Variants in EEFSEC observed in about 807,000 individuals in gnomAD.
EEFSEC encodes the protein eukaryotic elongation factor, selenocysteine-tRNA specific.
In EEFSEC, 43 loss-of-function variants were observed where a neutral mutation model predicts 42.1. The ratio of observed to expected loss-of-function variants is 1.02; its 90% CI spans 0.80 to 1.32. The LOEUF (loss-of-function observed/expected upper bound fraction) is 1.32, where lower values mean the gene tolerates loss of function less well. Among genes scored for constraint, EEFSEC ranks in the 40% most tolerant of loss-of-function variants. EEFSEC has a pLI of 0.00. For synonymous variants in EEFSEC, 354 were observed against 339.1 expected (o/e 1.04, Z -0.48); for missense variants, 745 against 803.6 (o/e 0.93, Z 0.88).
chr3:128,297,036 A>C (rs565148472), intron 4 of EEFSEC, among the ~76,000 whole-genome samples: 4 of 152,272 alleles, frequency 2.6e-5, no homozygotes, highest in African/African-American at 9.6e-5. Flanking sequence ...GAAGCATGAT[A>C]TCTGAGGTGG....
chr3:128,274,616 G>T (rs1044926589), intron 4 of EEFSEC, among the ~76,000 whole-genome samples: 3 of 152,220 alleles, frequency 2.0e-5, no homozygotes, highest in African/African-American at 7.2e-5. Context: ...ACAAGTTGTC[G>T]TATGAAAACC....
At chr3:128,284,933 T>C (rs1320931309) in intron 4 of EEFSEC, among the ~76,000 whole-genome samples, 2 of 151,638 alleles carry the variant, frequency 1.3e-5, no homozygotes, top group Non-Finnish European at 2.9e-5. Flanking sequence ...TAATGCAATA[T>C]GTAAGGAGAA....
intron 4 of EEFSEC, among the ~76,000 whole-genome samples, chr3:128,329,081 TTTC>T (rs2067096610): frequency 2.0e-5 from 3 of 152,152 alleles, no homozygotes; most frequent in Non-Finnish European, 4.4e-5. Flanking sequence ...TTCTTCCCTA[TTTC>T]TTCTTATCAT....
intron 4 of EEFSEC, among the ~76,000 whole-genome samples, chr3:128,309,570 TA>T (rs1360662084): frequency 3.9e-5 from 6 of 152,108 alleles, no homozygotes; most frequent in Admixed American, 2.6e-4. Flanking sequence ...TACCAGTAAG[TA>T]AAAGACCATC....
intron 6 of EEFSEC, 146 bp downstream of exon 6, chr3:128,358,519 A>T (rs1559938583): frequency 8.4e-7 from 1 of 1,187,162 alleles, no homozygotes; most frequent in African/African-American, 1.5e-5. Flanking sequence ...GCCTGGCAGC[A>T]TGGCCTCTGG....
intron 6 of EEFSEC, chr3:128,362,125 C>T (rs1172573268): frequency 2.3e-6 from 1 of 436,934 alleles, no homozygotes; most frequent in Non-Finnish European, 4.8e-6. Flanking sequence ...AAGCACTGCA[C>T]CTGGGAGGCT....
At chr3:128,194,001 C>CT (rs1393907808) in intron 1 of EEFSEC, among the ~76,000 whole-genome samples, 125 of 83,124 alleles carry the variant, frequency 1.5e-3, no homozygotes, top group Middle Eastern at 5.4e-3. Context: ...ACCATCTTCC[C>CT]CCATCCCCCA....
intron 4 of EEFSEC, among the ~76,000 whole-genome samples, chr3:128,292,766 AT>A (rs1395444404): frequency 2.0e-5 from 3 of 150,294 alleles, no homozygotes; most frequent in Non-Finnish European, 4.5e-5. Context: ...GGCTTTGTTG[AT>A]TTTTTTTCTT....
chr3:128,305,276 G>A (rs1476637332), intron 4 of EEFSEC, among the ~76,000 whole-genome samples: 1 of 151,914 alleles, frequency 6.6e-6, no homozygotes. Flanking sequence ...TTGTATTCTG[G>A]TCTTTCAATA....
intron 1 of EEFSEC, among the ~76,000 whole-genome samples, chr3:128,238,729 A>G (rs773372696): frequency 3.3e-5 from 5 of 152,160 alleles, no homozygotes; most frequent in African/African-American, 4.8e-5. Flanking sequence ...AGCTCAGGCA[A>G]TCTGCCCACT....
intron 1 of EEFSEC, among the ~76,000 whole-genome samples, chr3:128,196,754 C>T (rs573086233): frequency 1.3e-5 from 2 of 152,296 alleles, no homozygotes; most frequent in East Asian, 1.9e-4. Flanking sequence ...CACTTACTGG[C>T]ACTCGATGGC....
chr3:128,193,492 A>T (rs1181765106), intron 1 of EEFSEC, among the ~76,000 whole-genome samples: 1 of 152,164 alleles, frequency 6.6e-6, no homozygotes, highest in Non-Finnish European at 1.5e-5. Flanking sequence ...GCATTCATTC[A>T]TTTATCCAGT....
intron 4 of EEFSEC, among the ~76,000 whole-genome samples, chr3:128,321,804 C>A (rs1370491643): frequency 6.6e-6 from 1 of 152,194 alleles, no homozygotes; most frequent in Admixed American, 6.5e-5. Context: ...ATGTGGAAGA[C>A]AGACTTTAAA....
At chr3:128,196,931 T>TA (rs1286247682) in intron 1 of EEFSEC, among the ~76,000 whole-genome samples, 1 of 152,240 alleles carries the variant, frequency 6.6e-6, no homozygotes, top group Non-Finnish European at 1.5e-5. Context: ...GTGGCTCCTC[T>TA]AGGGAGAGTT....
intron 1 of EEFSEC, among the ~76,000 whole-genome samples, chr3:128,155,208 C>T (rs529620405): frequency 6.6e-5 from 10 of 152,052 alleles, no homozygotes; most frequent in African/African-American, 1.2e-4. Flanking sequence ...TCTTTCTCCC[C>T]GGTTCAAGCG....
At chr3:128,234,304 C>T (rs1225899281) in intron 1 of EEFSEC, among the ~76,000 whole-genome samples, 1 of 152,110 alleles carries the variant, frequency 6.6e-6, no homozygotes, top group African/African-American at 2.4e-5. Flanking sequence ...CCTCCCACCT[C>T]GGCCTCCCAA....
At chr3:128,259,195 T>C (rs926315668) in intron 2 of EEFSEC, among the ~76,000 whole-genome samples, 2 of 152,212 alleles carry the variant, frequency 1.3e-5, no homozygotes, top group Admixed American at 1.3e-4. Context: ...TGTTGCATGC[T>C]AGACTATATA....
intron 3 of EEFSEC, among the ~76,000 whole-genome samples, chr3:128,262,757 C>A (rs2066311998): frequency 6.6e-6 from 1 of 152,198 alleles, no homozygotes; most frequent in East Asian, 1.9e-4. Context: ...GTTGTTCTTC[C>A]TAACTTGTGC....
At chr3:128,360,388 A>G (rs533516694) in intron 6 of EEFSEC, among the ~76,000 whole-genome samples, 4 of 152,266 alleles carry the variant, frequency 2.6e-5, no homozygotes, top group African/African-American at 9.6e-5. Flanking sequence ...CTGGGAGGGA[A>G]GGATCCCGGG....
Sources: gnomAD v4.1 joint callset for allele counts (sites outside exome capture counted in the v4.1 genomes callset) on GRCh38, gnomAD v4.1.1 for gene constraint, MANE v1.5 for transcripts, NCBI Gene and HGNC (gene_info 2026-07-23, HGNC 2026-07-21) for gene names.